Variants in MAF observed in about 807,000 individuals in gnomAD.
The protein encoded by MAF is transcription factor Maf.
In MAF, 10 loss-of-function variants were observed where a neutral mutation model predicts 22.0. The ratio of observed to expected loss-of-function variants is 0.45; its 90% CI spans 0.28 to 0.77. The LOEUF is 0.77. Ranked by LOEUF, MAF falls within the 30% of genes least tolerant of loss-of-function variation. The probability of loss-of-function intolerance (pLI) is 0.12; values close to 1 mark genes in which losing one functional copy is unlikely to be tolerated. For missense variants in MAF, 544 were observed against 548.4 expected (o/e 0.99, Z 0.08); for synonymous variants, 337 against 255.8 (o/e 1.32, Z -3.03).
chr16:79,519,288 C>G, the MAF span, among the ~76,000 whole-genome samples: 1 of 152,056 alleles, frequency 6.6e-6, no homozygotes. Context: ...ATAATGGAAC[C>G]CCATGAGATG....
At chr16:79,225,066 G>A in the MAF span, among the ~76,000 whole-genome samples, 3 of 152,108 alleles carry the variant, frequency 2.0e-5, no homozygotes, top group Non-Finnish European at 2.9e-5. Flanking sequence ...ACAATCCAAA[G>A]CAAAAAGAGC....
the MAF span, among the ~76,000 whole-genome samples, chr16:79,440,356 A>T: frequency 6.6e-6 from 1 of 152,248 alleles, no homozygotes; most frequent in African/African-American, 2.4e-5. Flanking sequence ...CCTAGCGCAC[A>T]GTAGGTACAC....
the MAF span, among the ~76,000 whole-genome samples, chr16:79,482,323 C>G: frequency 6.6e-6 from 1 of 152,136 alleles, no homozygotes; most frequent in Non-Finnish European, 1.5e-5. Context: ...GTGTGGAGAG[C>G]AAAGCTTTGG....
chr16:79,231,154 G>A, the MAF span, among the ~76,000 whole-genome samples: 2 of 152,014 alleles, frequency 1.3e-5, no homozygotes, highest in African/African-American at 4.8e-5. Context: ...GTCTCCACCT[G>A]GATGTGAAAT....
the MAF span, among the ~76,000 whole-genome samples, chr16:79,518,630 C>G: frequency 8.5e-5 from 13 of 152,232 alleles, no homozygotes; most frequent in Non-Finnish European, 2.9e-5. Context: ...GCTGATAACA[C>G]TTTACATAGT....
chr16:79,324,599 G>A, the MAF span, among the ~76,000 whole-genome samples: 1 of 152,132 alleles, frequency 6.6e-6, no homozygotes, highest in Non-Finnish European at 1.5e-5. Flanking sequence ...GGAAGGCTAA[G>A]TAATTGAGTC....
the MAF span, among the ~76,000 whole-genome samples, chr16:79,558,892 C>T: frequency 6.6e-6 from 1 of 152,162 alleles, no homozygotes. Context: ...ACAGGCTAAC[C>T]CTCAGGCTTC....
the MAF span, among the ~76,000 whole-genome samples, chr16:79,319,888 T>C: frequency 6.6e-6 from 1 of 152,164 alleles, no homozygotes; most frequent in Non-Finnish European, 1.5e-5. Flanking sequence ...AGGCGACTGT[T>C]TGATCAGGAT....
chr16:79,448,377 AT>A, the MAF span, among the ~76,000 whole-genome samples: 84,987 of 141,654 alleles, frequency 0.6, 27,662 homozygotes, highest in Non-Finnish European at 0.75. Context: ...GAATGCTAGC[AT>A]TTTTTTTTTT....
chr16:79,260,463 C>CTATATCTA, the MAF span, among the ~76,000 whole-genome samples: 13 of 145,412 alleles, frequency 8.9e-5, no homozygotes, highest in South Asian at 2.3e-4. Flanking sequence ...ATGTATCTAT[C>CTATATCTA]TATCTATATC....
the MAF span, among the ~76,000 whole-genome samples, chr16:79,579,348 C>A: frequency 6.6e-6 from 1 of 152,136 alleles, no homozygotes; most frequent in African/African-American, 2.4e-5. Context: ...TCAAGACCAG[C>A]TTTAACAATC....
At chr16:79,418,943 ACC>A in the MAF span, among the ~76,000 whole-genome samples, 5 of 152,204 alleles carry the variant, frequency 3.3e-5, no homozygotes, top group Non-Finnish European at 7.3e-5. Flanking sequence ...AGCCTGTGGT[ACC>A]AGCAGCAACA....
chr16:79,292,976 C>T, the MAF span, among the ~76,000 whole-genome samples: 1 of 152,300 alleles, frequency 6.6e-6, no homozygotes, highest in East Asian at 1.9e-4. Context: ...TTGCCCACCC[C>T]TTTGCCAGAA....
the MAF span, among the ~76,000 whole-genome samples, chr16:79,280,910 T>C: frequency 0.041 from 6,250 of 152,274 alleles, 163 homozygotes; most frequent in Middle Eastern, 0.13. Flanking sequence ...TTAGTTTCCC[T>C]CTTCCTTGAT....
At chr16:79,513,886 C>T in the MAF span, among the ~76,000 whole-genome samples, 1 of 152,158 alleles carries the variant, frequency 6.6e-6, no homozygotes, top group Non-Finnish European at 1.5e-5. Context: ...GTGAAAACTC[C>T]AGTCTTTTCG....
the MAF span, among the ~76,000 whole-genome samples, chr16:79,311,406 G>C: frequency 6.6e-6 from 1 of 151,578 alleles, no homozygotes; most frequent in African/African-American, 2.4e-5. Flanking sequence ...GGGCTAATGT[G>C]AGTTTTCCAG....
At chr16:79,352,211 G>A in the MAF span, among the ~76,000 whole-genome samples, 2 of 152,178 alleles carry the variant, frequency 1.3e-5, no homozygotes, top group Non-Finnish European at 2.9e-5. Flanking sequence ...GCTTCAGGAG[G>A]GTTTAGGGCC....
At chr16:79,453,357 C>T in the MAF span, among the ~76,000 whole-genome samples, 17 of 152,252 alleles carry the variant, frequency 1.1e-4, no homozygotes, top group South Asian at 1.2e-3. Context: ...AGATGGCATC[C>T]GGTAACAATT....
At chr16:79,364,517 T>G in the MAF span, among the ~76,000 whole-genome samples, 1 of 152,090 alleles carries the variant, frequency 6.6e-6, no homozygotes, top group Non-Finnish European at 1.5e-5. Flanking sequence ...GAAGAAGAGT[T>G]TGGTTTTTAA....
Sources: gnomAD v4.1 joint callset for allele counts (sites outside exome capture counted in the v4.1 genomes callset) on GRCh38, gnomAD v4.1.1 for gene constraint, MANE v1.5 for transcripts, NCBI Gene and HGNC (gene_info 2026-07-23, HGNC 2026-07-21) for gene names.